The following GLIS3 variants were observed in gnomAD, a reference collection of about 807,000 sequenced individuals.
GLIS3 encodes GLIS family zinc finger 3.
Under a neutral mutation model 78.6 loss-of-function variants are expected in GLIS3, and 53 were observed. The ratio of observed to expected loss-of-function variants is 0.67; its 90% confidence interval spans 0.54 to 0.85. The LOEUF is 0.85. Ranked by LOEUF, GLIS3 falls within the 40% of genes least tolerant of loss-of-function variation. The pLI is 0.00. For synonymous variants in GLIS3, 684 were observed against 509.9 expected (o/e 1.34, Z -4.60); for missense variants, 1,703 against 1,231.1 (o/e 1.38, Z -5.74).
At chr9:4,081,886 C>G (rs980887581) in intron 4 of GLIS3, among the ~76,000 whole-genome samples, 42 of 152,278 alleles carry the variant, frequency 2.8e-4, no homozygotes, top group African/African-American at 9.9e-4. Flanking sequence ...TTTGTATTCT[C>G]AAACTTGAAA....
chr9:4,326,188 C>T lies in GLIS3; in HGVS notation n.265-15660G>A, dbSNP rs533393206. Among the ~76,000 whole-genome samples, 83 of 152,198 alleles carry T rather than the reference C, an allele frequency of 5.5e-4. 1 individual carries two copies. Among genetic ancestry groups the T allele is most frequent in the African/African-American group, 2.0e-3 (82 of 41,520 alleles). On this transcript the variant is annotated intron_variant and non_coding_transcript_variant, in intron 2 of 4. Coordinates refer to the GLIS3 transcript ENST00000471664. Reference sequence around the variant, plus strand: ...ATGTAACAAACCTGCACATCCTGCACGTGTACCCGGGAACTTAAAATAAAA... The same window carrying T: ...ATGTAACAAACCTGCACATCCTGCATGTGTACCCGGGAACTTAAAATAAAA...
chr9:4,119,952 A>C (rs148847695), intron 3 of GLIS3, among the ~76,000 whole-genome samples: 168 of 152,380 alleles, frequency 1.1e-3, no homozygotes, highest in Middle Eastern at 3.4e-3. Context: ...TTTGCCACAG[A>C]GGCAAGACAT....
At chr9:3,882,880 C>G (rs1821827934) in intron 7 of GLIS3, among the ~76,000 whole-genome samples, 2 of 152,200 alleles carry the variant, frequency 1.3e-5, no homozygotes, top group South Asian at 2.1e-4. Flanking sequence ...ATAGGAAAAT[C>G]TTACTTCTGG....
At chr9:4,090,569 C>G (rs1422109715) in intron 4 of GLIS3, among the ~76,000 whole-genome samples, 1 of 152,146 alleles carries the variant, frequency 6.6e-6, no homozygotes, top group Admixed American at 6.5e-5. Context: ...GTTGGACCAC[C>G]TGGTCCAAGA....
At chr9:4,024,325 G>A (rs185111370) in intron 4 of GLIS3, among the ~76,000 whole-genome samples, 2 of 152,312 alleles carry the variant, frequency 1.3e-5, no homozygotes, top group Admixed American at 1.3e-4. Flanking sequence ...AAATACGGCT[G>A]TCATCACATC....
intron 7 of GLIS3, among the ~76,000 whole-genome samples, chr9:3,888,381 G>A (rs990788754): frequency 3.3e-5 from 5 of 152,176 alleles, no homozygotes; most frequent in Middle Eastern, 3.4e-3. Flanking sequence ...CTACTTTCAC[G>A]TGACTTCTAA....
At chr9:4,397,325 G>T in the GLIS3 span, among the ~76,000 whole-genome samples, 1 of 151,500 alleles carries the variant, frequency 6.6e-6, no homozygotes, top group African/African-American at 2.4e-5. Context: ...ACACCCTGCC[G>T]TCAATCCATT....
the GLIS3 span, among the ~76,000 whole-genome samples, chr9:4,405,544 A>C: frequency 6.6e-6 from 1 of 152,150 alleles, no homozygotes; most frequent in Non-Finnish European, 1.5e-5. Flanking sequence ...CCAAAACCTG[A>C]ACAGACCAAT....
intron 2 of GLIS3, among the ~76,000 whole-genome samples, chr9:4,158,351 G>C (rs1165182932): frequency 2.0e-5 from 3 of 152,186 alleles, no homozygotes; most frequent in African/African-American, 7.2e-5. Flanking sequence ...AGAGGTCACA[G>C]TTACTGGGCT....
chr9:4,045,765 C>T (rs1825197696), intron 4 of GLIS3, among the ~76,000 whole-genome samples: 1 of 152,146 alleles, frequency 6.6e-6, no homozygotes, highest in Non-Finnish European at 1.5e-5. Flanking sequence ...GCAATCACAG[C>T]TCTAGATATT....
chr9:3,863,132 T>C (rs1370325871), intron 8 of GLIS3, among the ~76,000 whole-genome samples: 17 of 152,206 alleles, frequency 1.1e-4, no homozygotes, highest in Admixed American at 1.1e-3. Flanking sequence ...TACCCCACTT[T>C]GTATAGCCAG....
chr9:4,429,472 T>A, the GLIS3 span, among the ~76,000 whole-genome samples: 4 of 152,226 alleles, frequency 2.6e-5, no homozygotes, highest in African/African-American at 9.6e-5. Context: ...GAACAATTTC[T>A]TCTTACCTTC....
chr9:4,354,040 G>C, the GLIS3 span, among the ~76,000 whole-genome samples: 1 of 147,054 alleles, frequency 6.8e-6, no homozygotes, highest in African/African-American at 2.5e-5. Context: ...GTCTCACCGT[G>C]TTAGCCAGGA....
the GLIS3 span, among the ~76,000 whole-genome samples, chr9:4,460,684 A>C: frequency 1.3e-5 from 2 of 152,208 alleles, no homozygotes; most frequent in East Asian, 1.9e-4. Flanking sequence ...CCAAAGAAAA[A>C]TAAGAAATCA....
chr9:3,973,977 TAA>T (rs977134111), intron 4 of GLIS3, among the ~76,000 whole-genome samples: 1 of 152,140 alleles, frequency 6.6e-6, no homozygotes, highest in Admixed American at 6.6e-5. Context: ...AAAATTCTTA[TAA>T]AAAAATCAAA....
intron 4 of GLIS3, among the ~76,000 whole-genome samples, chr9:4,051,923 G>A (rs140079999): frequency 1.2e-4 from 18 of 152,166 alleles, no homozygotes; most frequent in African/African-American, 3.6e-4. Context: ...CATACATGTC[G>A]AATGTCTATG....
chr9:4,220,456 A>C (rs1255104065), intron 2 of GLIS3, among the ~76,000 whole-genome samples: 3 of 152,238 alleles, frequency 2.0e-5, no homozygotes, highest in Non-Finnish European at 4.4e-5. Flanking sequence ...ATAGAAGTTA[A>C]CACCACCAGC....
chr9:3,910,343 T>A (rs1318954449), intron 6 of GLIS3, among the ~76,000 whole-genome samples: 1 of 152,164 alleles, frequency 6.6e-6, no homozygotes, highest in African/African-American at 2.4e-5. Flanking sequence ...AAAATTTTGT[T>A]TTGTTATTTA....
intron 2 of GLIS3, among the ~76,000 whole-genome samples, chr9:4,343,606 A>G (rs1033831425): frequency 6.6e-6 from 1 of 152,242 alleles, no homozygotes; most frequent in Non-Finnish European, 1.5e-5. Flanking sequence ...ATAAAGACAC[A>G]TGCACATGTA....
Sources: gnomAD v4.1 joint callset for allele counts (sites outside exome capture counted in the v4.1 genomes callset) on GRCh38, gnomAD v4.1.1 for gene constraint, MANE v1.5 for transcripts, NCBI Gene and HGNC (gene_info 2026-07-23, HGNC 2026-07-21) for gene names.